RACGAP1: variants seen among roughly 807,000 people sequenced by gnomAD.
RACGAP1 encodes the protein rac GTPase-activating protein 1.
In RACGAP1, 30 loss-of-function variants were observed where a neutral mutation model predicts 78.1. The observed-to-expected ratio is 0.38, with a 90% CI of 0.29 to 0.52. RACGAP1 has a LOEUF of 0.52. RACGAP1 is among the 20% of genes least tolerant of loss of function. The probability of loss-of-function intolerance (pLI) is 0.82; values close to 1 mark genes in which losing one functional copy is unlikely to be tolerated. For synonymous variants in RACGAP1, 231 were observed against 264.8 expected (o/e 0.87, Z 1.24); for missense variants, 587 against 777.1 (o/e 0.76, Z 2.91).
rs1565698573 is a variant in RACGAP1, at chr12:50,016,682, AC to A, written c.33del (p.Phe12LeufsTer47). 6.2e-7 allele frequency: 1 copy of A among 1,614,036 alleles called. No homozygotes were observed. On this transcript the variant is annotated frameshift_variant, in exon 2 of 17. Coordinates refer to ENST00000312377, the MANE Select transcript of RACGAP1 (RefSeq NM_001319999.2). LOFTEE classifies it high-confidence loss of function. Reference protein sequence around the residue: MDTMMLNVRNLFEQLVRRVEI... With the variant: MDTMMLNVRNXFEQLVRRVEI... Reference sequence around the variant, plus strand: ...TCCACCCGGCGCACAAGCTGCTCAAACAGATTCCGCACATTCAGCATCATAG... The same window carrying A: ...TCCACCCGGCGCACAAGCTGCTCAAAAGATTCCGCACATTCAGCATCATAG...
chr12:49,997,878 A>G (rs1948413030), intron 9 of RACGAP1, among the ~76,000 whole-genome samples: 1 of 151,966 alleles, frequency 6.6e-6, no homozygotes, highest in African/African-American at 2.4e-5. Context: ...GTGCCCAGCC[A>G]TAATCAACTA....
chr12:50,002,189 C>A, intron 6 of RACGAP1, 58 bp downstream of exon 6: 2 of 1,517,694 alleles, frequency 1.3e-6, no homozygotes, highest in Non-Finnish European at 1.8e-6. Context: ...GGCAAAATTT[C>A]CAAAAATAAC....
chr12:49,991,466 TA>T (rs1947842894), intron 15 of RACGAP1, among the ~76,000 whole-genome samples: 1 of 24,028 alleles, frequency 4.2e-5, no homozygotes, highest in Non-Finnish European at 1.5e-4. Context: ...ATTATATATA[TA>T]TATATATATA....
intron 8 of RACGAP1, 104 bp from the exon 9 acceptor site, chr12:49,999,375 G>A: frequency 7.1e-7 from 1 of 1,405,882 alleles, no homozygotes. Context: ...TGTTATCATA[G>A]CCAAAAGTGA....
At chr12:50,030,228 T>G (rs563699485), upstream of RACGAP1, among the ~76,000 whole-genome samples, 1 of 151,996 alleles carries the variant, frequency 6.6e-6, no homozygotes, top group East Asian at 1.9e-4. Context: ...TGGGCTTGGC[T>G]AGTCCAGCTA....
At chr12:49,992,193 C>T in intron 14 of RACGAP1, 52 bp downstream of exon 14, 1 of 1,612,348 alleles carries the variant, frequency 6.2e-7, no homozygotes, top group Non-Finnish European at 8.5e-7. Flanking sequence ...AACTGTCTTT[C>T]AAGTTATCAC....
intron 2 of RACGAP1, among the ~76,000 whole-genome samples, chr12:50,008,694 CG>C (rs1949127287): frequency 6.6e-6 from 1 of 150,516 alleles, no homozygotes; most frequent in Non-Finnish European, 1.5e-5. Flanking sequence ...GGTTTCACCA[CG>C]TTGGCTAGGC....
At chr12:50,011,230 A>G (rs574092205) in intron 2 of RACGAP1, among the ~76,000 whole-genome samples, 8 of 150,364 alleles carry the variant, frequency 5.3e-5, no homozygotes, top group Non-Finnish European at 1.0e-4. Context: ...GCTACTTGGG[A>G]GGCTGAGGCA....
chr12:50,023,578 A>C (rs576574119), intron 1 of RACGAP1, among the ~76,000 whole-genome samples: 1 of 152,194 alleles, frequency 6.6e-6, no homozygotes, highest in East Asian at 1.9e-4. Flanking sequence ...TATTAAAAAT[A>C]AAAAATTAGC....
intron 15 of RACGAP1, among the ~76,000 whole-genome samples, chr12:49,991,457 T>TTATTTATATATATATATATATATATA (rs1555169078): frequency 3.6e-5 from 1 of 27,402 alleles, no homozygotes; most frequent in Non-Finnish European, 8.7e-5. Context: ...ATTTAAACTA[T>TTATTTATATATATATATATATATATA]TATATATATA....
At chr12:50,022,206 A>G (rs1015458818) in intron 1 of RACGAP1, among the ~76,000 whole-genome samples, 12 of 152,224 alleles carry the variant, frequency 7.9e-5, no homozygotes, top group Admixed American at 7.2e-4. Flanking sequence ...TTCAGTCCAA[A>G]ATGATTTCCT....
At chr12:50,010,091 A>T (rs1251903092) in intron 2 of RACGAP1, among the ~76,000 whole-genome samples, 5 of 152,236 alleles carry the variant, frequency 3.3e-5, no homozygotes, top group African/African-American at 1.2e-4. Flanking sequence ...TGTCACTGGC[A>T]CACAACAGGC....
intron 2 of RACGAP1, among the ~76,000 whole-genome samples, chr12:50,008,782 C>T (rs1949132929): frequency 6.6e-6 from 1 of 152,060 alleles, no homozygotes; most frequent in South Asian, 2.1e-4. Flanking sequence ...CATAAGCCAC[C>T]ATGCCCGGCC....
At chr12:50,014,353 C>T (rs1345824641) in intron 2 of RACGAP1, among the ~76,000 whole-genome samples, 3 of 152,180 alleles carry the variant, frequency 2.0e-5, no homozygotes, top group Non-Finnish European at 2.9e-5. Flanking sequence ...ATTTCCCAGA[C>T]TGTTCCTTTC....
intron 4 of RACGAP1, 72 bp from the exon 5 acceptor site, chr12:50,004,376 A>G: frequency 6.5e-7 from 1 of 1,543,914 alleles, no homozygotes; most frequent in South Asian, 1.2e-5. Context: ...CATTCAGAAC[A>G]AGTCCTACTG....
chr12:50,022,976 T>C (rs1243533157), intron 1 of RACGAP1, among the ~76,000 whole-genome samples: 1 of 152,244 alleles, frequency 6.6e-6, no homozygotes, highest in East Asian at 1.9e-4. Context: ...CTTTACTTTG[T>C]TCCAAAGCAC....
chr12:50,002,389 C>A, intron 5 of RACGAP1, 89 bp from the exon 6 acceptor site: 1 of 1,125,326 alleles, frequency 8.9e-7, no homozygotes, highest in South Asian at 1.5e-5. Context: ...ACTTTAAAGG[C>A]TTCTTCAGTC....
chr12:50,013,724 C>T (rs1302357323), intron 2 of RACGAP1, among the ~76,000 whole-genome samples: 1 of 152,208 alleles, frequency 6.6e-6, no homozygotes, highest in Non-Finnish European at 1.5e-5. Context: ...ATCTAAAATA[C>T]CCCCTTTCAT....
chr12:49,997,615 C>G (rs1948388343), intron 9 of RACGAP1, among the ~76,000 whole-genome samples: 1 of 149,190 alleles, frequency 6.7e-6, no homozygotes, highest in Non-Finnish European at 1.5e-5. Flanking sequence ...CTCTTGTTGC[C>G]CAGGCTGGAG....
Sources: allele counts gnomAD v4.1 joint callset (sites outside exome capture counted in the v4.1 genomes callset), GRCh38; gene constraint gnomAD v4.1.1; transcripts MANE v1.5; gene names NCBI Gene and HGNC (gene_info 2026-07-23, HGNC 2026-07-21).